The following ILDR1 variants were observed in gnomAD, a reference collection of about 807,000 sequenced individuals.
ILDR1 encodes immunoglobulin like domain containing receptor 1, also known as immunoglobulin-like domain-containing receptor 1.
ILDR1 carries 56 observed loss-of-function variants against 62.4 expected under a neutral mutation model. The observed-to-expected ratio is 0.90, with a 90% CI of 0.72 to 1.12. The LOEUF is 1.12. Ranked by LOEUF, ILDR1 falls within the 50% of genes most tolerant of loss-of-function variation. ILDR1 has a pLI of 0.00. For missense variants in ILDR1, 736 were observed against 710.6 expected, an observed-to-expected ratio of 1.04 and a Z score of -0.41; for synonymous variants, 284 against 277.8, an observed-to-expected ratio of 1.02 and a Z score of -0.22.
intron 1 of ILDR1, among the ~76,000 whole-genome samples, chr3:122,015,677 G>T (rs2071766915): frequency 6.6e-6 from 1 of 152,222 alleles, no homozygotes; most frequent in Admixed American, 6.5e-5. Flanking sequence ...CAGCCCTGCA[G>T]AACTGTAAGT....
chr3:122,048,092 A>T, the ILDR1 span, among the ~76,000 whole-genome samples: 41 of 152,342 alleles, frequency 2.7e-4, no homozygotes, highest in Admixed American at 1.3e-3. Context: ...GGATTTTCAC[A>T]TATCCCCTTT....
At chr3:122,056,361 A>G in the ILDR1 span, among the ~76,000 whole-genome samples, 2 of 152,088 alleles carry the variant, frequency 1.3e-5, no homozygotes, top group Non-Finnish European at 2.9e-5. Context: ...TTTGAAACAG[A>G]GTCTCGCTCT....
chr3:122,034,968 CA>C, the ILDR1 span, among the ~76,000 whole-genome samples: 8 of 152,272 alleles, frequency 5.3e-5, no homozygotes, highest in Non-Finnish European at 8.8e-5. Context: ...GGGTCCCTCC[CA>C]CAACGTGTGG....
chr3:122,009,231 A>G (rs747196030), intron 1 of ILDR1, among the ~76,000 whole-genome samples: 9 of 152,004 alleles, frequency 5.9e-5, no homozygotes, highest in Non-Finnish European at 1.3e-4. Flanking sequence ...GCACACAGCA[A>G]TTGATATAAA....
the ILDR1 span, among the ~76,000 whole-genome samples, chr3:122,046,644 T>C: frequency 3.9e-4 from 59 of 151,134 alleles, no homozygotes; most frequent in Non-Finnish European, 7.8e-4. Context: ...CTCTAAACTT[T>C]CCTTCTCGCT....
chr3:122,034,388 C>T, the ILDR1 span, among the ~76,000 whole-genome samples: 1 of 152,118 alleles, frequency 6.6e-6, no homozygotes, highest in East Asian at 1.9e-4. Flanking sequence ...AAACTGCAAA[C>T]AAATGAAATT....
chr3:122,050,301 A>C, the ILDR1 span, among the ~76,000 whole-genome samples: 1 of 152,086 alleles, frequency 6.6e-6, no homozygotes, highest in African/African-American at 2.4e-5. Flanking sequence ...CAACATTTTG[A>C]AATTTGTTTT....
intron 3 of ILDR1, among the ~76,000 whole-genome samples, chr3:122,004,594 T>G (rs568916870): frequency 6.6e-6 from 1 of 152,196 alleles, no homozygotes; most frequent in Non-Finnish European, 1.5e-5. Context: ...AGAGAATAGA[T>G]AGGCTTTAGA....
In ILDR1 at chr3:121,993,550, C is replaced by T. The variant is rs146431786; in HGVS notation, c.1199G>A (p.Ser400Asn). The T allele has an allele frequency of 5.0e-6, 8 of 1,614,144 alleles. No homozygotes were observed. The highest frequency in any genetic ancestry group is 6.8e-6 in the Non-Finnish European group (8 of 1,180,050). The change falls in exon 7 of 8, where the codon AGT becomes AAT. Residue 400 changes from serine to asparagine, a missense_variant. Ser to Asn is a conservative substitution (Grantham distance 46). Coordinates refer to ENST00000344209, the MANE Select transcript of ILDR1 (RefSeq NM_001199799.2). The stretch of plus-strand genomic sequence containing the variant: ...CAGCCTAGAGCTACGGTGCCTTCCA[C>T]TCCACGATGGGTCCAACTCCCTTCT... ...LERRELDPSW[S>N]GRHRSSRLNG...
At chr3:122,044,569 C>T in the ILDR1 span, among the ~76,000 whole-genome samples, 5 of 151,340 alleles carry the variant, frequency 3.3e-5, no homozygotes, top group African/African-American at 1.2e-4. Context: ...GGTTGGTAAA[C>T]TATTGATTAT....
chr3:122,001,784 A>G lies in ILDR1; in HGVS notation c.460T>C (p.Ser154Pro). Residue 154 changes from serine to proline, a missense_variant, in exon 4 of 8, where the codon TCA (serine) becomes CCA (proline). Coordinates refer to ENST00000344209, the MANE Select transcript of ILDR1 (RefSeq NM_001199799.2). ...YCTIEAPGDTSGDPDKEVKLI... is the reference protein window; with the variant it reads ...YCTIEAPGDTPGDPDKEVKLI... ...TTTACTTCCTTATCGGGGTCTCCTG[A>G]TGTGTCCCCTGGAGCCTCAATGGTG... 6.2e-7 allele frequency: 1 copy of G among 1,612,946 alleles called. No individual in the cohort carries two copies. Among genetic ancestry groups the G allele is most frequent in the Non-Finnish European group, 8.5e-7 (1 of 1,179,882 alleles).
chr3:122,006,685 T>C (rs113554501), intron 2 of ILDR1, among the ~76,000 whole-genome samples: 4 of 152,168 alleles, frequency 2.6e-5, no homozygotes, highest in Admixed American at 2.6e-4. Context: ...GCTCAGCACA[T>C]TGGCATGGAA....
chr3:122,045,228 T>C, the ILDR1 span, among the ~76,000 whole-genome samples: 1 of 149,682 alleles, frequency 6.7e-6, no homozygotes, highest in African/African-American at 2.5e-5. Flanking sequence ...TTGAGCAGCT[T>C]TGAGTGAGAT....
rs1041186401 is a variant in ILDR1, at chr3:122,006,844, A to G, written c.229+147T>C. Reference sequence around the variant, plus strand: ...CTACCTGGGCTCCGTTTGTTTATCTATAAAACAGAGGAACTACATTAGGTG... The same window carrying G: ...CTACCTGGGCTCCGTTTGTTTATCTGTAAAACAGAGGAACTACATTAGGTG... On this transcript the variant is annotated intron_variant, in intron 2 of 7. Coordinates refer to ENST00000344209, the MANE Select transcript of ILDR1 (RefSeq NM_001199799.2). 1.6e-5 allele frequency: 13 copies of G among 811,080 alleles called. No individual in the cohort carries two copies. In the African/African-American group the frequency reaches 1.7e-4, roughly 11 times the overall value. 50.2% of individuals were successfully genotyped at this position (811,080 alleles called of 1,614,324 possible).
the ILDR1 span, among the ~76,000 whole-genome samples, chr3:122,029,051 T>A: frequency 6.6e-6 from 1 of 152,152 alleles, no homozygotes; most frequent in South Asian, 2.1e-4. Flanking sequence ...TATGCAGCTG[T>A]TAAAGTGGAT....
At chr3:122,003,999 G>C (rs2071567211) in intron 3 of ILDR1, among the ~76,000 whole-genome samples, 1 of 151,634 alleles carries the variant, frequency 6.6e-6, no homozygotes, top group Admixed American at 6.6e-5. Flanking sequence ...ACTGAGGGCT[G>C]GCTTGGGGAA....
chr3:122,048,061 T>G, the ILDR1 span, among the ~76,000 whole-genome samples: 4 of 152,230 alleles, frequency 2.6e-5, no homozygotes, highest in Non-Finnish European at 5.9e-5. Context: ...TTTTTCACCA[T>G]TAAGTGTGAT....
At chr3:122,003,507 A>G (rs945179512) in intron 3 of ILDR1, among the ~76,000 whole-genome samples, 5 of 152,220 alleles carry the variant, frequency 3.3e-5, no homozygotes, top group African/African-American at 9.7e-5. Flanking sequence ...TGACATAAAG[A>G]GTATTTTAGG....
At chr3:122,021,872 C>T (rs1386612278) in intron 1 of ILDR1, 148 bp downstream of exon 1, 13 of 706,984 alleles carry the variant, frequency 1.8e-5, no homozygotes, top group Non-Finnish European at 2.7e-5. Context: ...TCGATCCAGT[C>T]CCCGCACCTC....
Sources: allele counts gnomAD v4.1 joint callset (sites outside exome capture counted in the v4.1 genomes callset), GRCh38; gene constraint gnomAD v4.1.1; transcripts MANE v1.5; gene names NCBI Gene and HGNC (gene_info 2026-07-23, HGNC 2026-07-21).